Variants in SGK3 observed in about 807,000 individuals in gnomAD.
SGK3 encodes the protein serine/threonine-protein kinase Sgk3.
In SGK3, 47 loss-of-function variants were observed where a neutral mutation model predicts 68.5. That is an observed-to-expected ratio of 0.69 (90% CI 0.54 to 0.87). SGK3 has a LOEUF of 0.87. Ranked by LOEUF, SGK3 falls within the 40% of genes least tolerant of loss-of-function variation. SGK3 has a pLI of 0.00. For synonymous variants in SGK3, 181 were observed against 189.1 expected, an observed-to-expected ratio of 0.96 and a Z score of 0.35; for missense variants, 479 against 575.5, an observed-to-expected ratio of 0.83 and a Z score of 1.72.
At chr8:66,797,458 T>G (rs1326228388) in intron 2 of SGK3, among the ~76,000 whole-genome samples, 4 of 152,200 alleles carry the variant, frequency 2.6e-5, no homozygotes, top group African/African-American at 9.7e-5. Context: ...ACAACCAGAT[T>G]CCTTCTCGGT....
At chr8:66,717,220 AAAAAAAAC>A (rs1242775185) in intron 1 of SGK3, among the ~76,000 whole-genome samples, 1 of 112,590 alleles carries the variant, frequency 8.9e-6, no homozygotes, top group Non-Finnish European at 1.6e-5. Context: ...AAAAAAAAAC[AAAAAAAAC>A]AAAAAAAACA....
In SGK3 at chr8:66,831,302, C is replaced by T. The variant is rs768331284; in HGVS notation, c.516C>T (p.Ser172=). Residue 172 remains serine, a synonymous_variant, in exon 8 of 17, where the codon AGC becomes AGT. Coordinates refer to ENST00000521198, the MANE Select transcript of SGK3 (RefSeq NM_001033578.3). ...TCTTAAAAGTTATTGGAAAAGGCAGCTTTGGCAAGGTAAGAGTGTTTTGTG... is the reference window on the plus strand; with the variant it reads ...TCTTAAAAGTTATTGGAAAAGGCAGTTTTGGCAAGGTAAGAGTGTTTTGTG... ...FDFLKVIGKG[S]FGKVLLAKRK... The T allele has an allele frequency of 5.0e-6, 8 of 1,613,256 alleles. No individual in the cohort carries two copies. The South Asian group carries it at 6.6e-5, about 13-fold the overall frequency.
rs556248010 is a variant in SGK3 at position 66,823,554 on chromosome 8, C to T, written c.417+1095C>T. ...CTGGGGCTACAGGTGCCTGCCACCA[C>T]GCCCGGCTAATTTTTGTATTTTTAG... On this transcript the variant is annotated intron_variant, in intron 6 of 16. Transcript: ENST00000521198. 9.9e-5 allele frequency among the ~76,000 whole-genome samples: 15 copies of T among 152,002 alleles called. No homozygotes were observed. The South Asian group carries it at 2.3e-3, about 23-fold the overall frequency.
intron 1 of SGK3, among the ~76,000 whole-genome samples, chr8:66,781,930 A>T (rs995219011): frequency 2.0e-5 from 3 of 152,216 alleles, no homozygotes; most frequent in African/African-American, 7.2e-5. Context: ...TAACTGATTC[A>T]TCATGTGATG....
At chr8:66,766,914 C>T (rs965982055) in intron 1 of SGK3, among the ~76,000 whole-genome samples, 2 of 152,146 alleles carry the variant, frequency 1.3e-5, no homozygotes, top group Non-Finnish European at 2.9e-5. Context: ...TGCAGTGGCG[C>T]GATCTCCGCC....
intron 14 of SGK3, 102 bp from the exon 15 acceptor site, chr8:66,847,091 C>A: frequency 6.7e-7 from 1 of 1,502,904 alleles, no homozygotes; most frequent in Non-Finnish European, 8.9e-7. Flanking sequence ...GAGGTCCATA[C>A]ATTTTTTCAA....
chr8:66,719,549 A>G (rs1213194450), intron 1 of SGK3, among the ~76,000 whole-genome samples: 1 of 151,960 alleles, frequency 6.6e-6, no homozygotes, highest in African/African-American at 2.4e-5. Flanking sequence ...GAACCCCTGG[A>G]CTCAAGTAAT....
intron 1 of SGK3, among the ~76,000 whole-genome samples, chr8:66,719,806 T>C (rs1017064062): frequency 2.0e-5 from 3 of 152,154 alleles, no homozygotes; most frequent in African/African-American, 7.2e-5. Flanking sequence ...TTTGGACAAA[T>C]AAAAGAAGAA....
At chr8:66,744,822 A>G (rs549630669) in intron 1 of SGK3, among the ~76,000 whole-genome samples, 1 of 142,248 alleles carries the variant, frequency 7.0e-6, no homozygotes, top group Non-Finnish European at 1.5e-5. Context: ...TTTTTTCTAG[A>G]TTTTTGATTA....
chr8:66,714,432 T>TATG (rs113753131), intron 1 of SGK3, among the ~76,000 whole-genome samples: 20,149 of 152,136 alleles, frequency 0.13, 2,213 homozygotes, highest in African/African-American at 0.3. Flanking sequence ...TTCTTGTTAT[T>TATG]GTGACTATGA....
At chr8:66,744,644 A>G (rs1356176936) in intron 1 of SGK3, among the ~76,000 whole-genome samples, 1 of 146,608 alleles carries the variant, frequency 6.8e-6, no homozygotes, top group Admixed American at 6.9e-5. Flanking sequence ...AGCAGCTGGG[A>G]TTATAGGCAT....
At chr8:66,839,495 GGA>G (rs1175824564) in intron 10 of SGK3, among the ~76,000 whole-genome samples, 630 of 44,948 alleles carry the variant, frequency 0.014, 56 homozygotes, top group African/African-American at 0.044. Context: ...TTATATGTAT[GGA>G]GATATATATA....
intron 1 of SGK3, among the ~76,000 whole-genome samples, chr8:66,792,037 A>G (rs1424918665): frequency 6.6e-6 from 1 of 152,156 alleles, no homozygotes; most frequent in African/African-American, 2.4e-5. Context: ...CTACGTAGAA[A>G]TCTTTCTGAC....
intron 1 of SGK3, among the ~76,000 whole-genome samples, chr8:66,729,272 C>T (rs535205675): frequency 2.8e-4 from 42 of 151,160 alleles, no homozygotes; most frequent in African/African-American, 9.2e-4. Context: ...CTGGCTAACA[C>T]GGTGAAACCC....
chr8:66,846,552 A>G (rs7007645), intron 14 of SGK3, among the ~76,000 whole-genome samples: 3,757 of 152,070 alleles, frequency 0.025, 156 homozygotes, highest in African/African-American at 0.084. Flanking sequence ...GGCCTCAAGC[A>G]ATCTGCCCAC....
intron 1 of SGK3, among the ~76,000 whole-genome samples, chr8:66,784,264 T>G (rs184062760): frequency 6.6e-6 from 1 of 152,292 alleles, no homozygotes; most frequent in East Asian, 1.9e-4. Flanking sequence ...GTTAGTGCCC[T>G]CCTTTAGGTG....
At chr8:66,839,498 G>GATATATATATATAT (rs58832541) in intron 10 of SGK3, among the ~76,000 whole-genome samples, 1 of 41,568 alleles carries the variant, frequency 2.4e-5, no homozygotes, top group Non-Finnish European at 4.3e-5. Context: ...TATGTATGGA[G>GATATATATATATAT]ATATATATAT....
intron 1 of SGK3, among the ~76,000 whole-genome samples, chr8:66,788,868 A>G (rs1419046733): frequency 1.3e-5 from 2 of 152,176 alleles, no homozygotes; most frequent in African/African-American, 4.8e-5. Flanking sequence ...TTTGTTCACC[A>G]GGTCCAGTTA....
intron 1 of SGK3, among the ~76,000 whole-genome samples, chr8:66,768,848 C>T (rs1272193545): frequency 1.3e-5 from 2 of 152,196 alleles, no homozygotes; most frequent in African/African-American, 2.4e-5. Flanking sequence ...GTTGAGATTA[C>T]AGACATGAGC....
Sources: allele counts gnomAD v4.1 joint callset (sites outside exome capture counted in the v4.1 genomes callset), GRCh38; gene constraint gnomAD v4.1.1; transcripts MANE v1.5; gene names NCBI Gene and HGNC (gene_info 2026-07-23, HGNC 2026-07-21).